Variants in MID1 observed in about 807,000 individuals in gnomAD.
MID1 encodes E3 ubiquitin-protein ligase Midline-1.
In MID1, 7 loss-of-function variants were observed where a neutral mutation model predicts 40.4. That is an observed-to-expected ratio of 0.17 (90% CI 0.10 to 0.33). MID1 has a LOEUF of 0.33. MID1 is among the 10% of genes least tolerant of loss of function. MID1 has a pLI of 1.00. For missense variants in MID1, 367 were observed against 558.5 expected, an observed-to-expected ratio of 0.66 and a Z score of 3.46; for synonymous variants, 229 against 221.2, an observed-to-expected ratio of 1.04 and a Z score of -0.31.
chrX:10,546,355 G>A (rs1933680733), intron 2 of MID1, among the ~76,000 whole-genome samples: 1 of 112,359 alleles, frequency 8.9e-6, no homozygotes, highest in African/African-American at 3.2e-5. Context: ...CTTTGGTTTG[G>A]TTCCATGAAA....
chrX:10,591,090 G>C (rs1049993815), intron 1 of MID1, among the ~76,000 whole-genome samples: 6 of 111,086 alleles, frequency 5.4e-5, no homozygotes, highest in Non-Finnish European at 1.1e-4. Flanking sequence ...ATGCAATCTA[G>C]GGCTTAAAAA....
chrX:10,649,803 T>C (rs1162700389), intron 1 of MID1, among the ~76,000 whole-genome samples: 1 of 112,159 alleles, frequency 8.9e-6, no homozygotes, highest in African/African-American at 3.2e-5. Flanking sequence ...TCTGATCTTA[T>C]ATTTCACTTA....
intron 1 of MID1, among the ~76,000 whole-genome samples, chrX:10,590,226 G>C (rs931629167): frequency 3.6e-5 from 4 of 111,813 alleles, no homozygotes; most frequent in Admixed American, 9.4e-5. Flanking sequence ...TGGTTCCTTG[G>C]TTTCGCGTCT....
chrX:10,778,036 CT>C (rs1000099684), intron 1 of MID1, among the ~76,000 whole-genome samples: 18 of 111,166 alleles, frequency 1.6e-4, no homozygotes, highest in South Asian at 1.5e-3. Flanking sequence ...TTACAGTTAA[CT>C]TTTTTTTCTT....
chrX:10,677,638 A>G (rs1007116999), intron 1 of MID1: 1 of 112,811 alleles, frequency 8.9e-6, no homozygotes, highest in African/African-American at 3.2e-5. Flanking sequence ...GCTTTGAAAC[A>G]AAATGAATCA....
At chrX:10,788,539 A>T (rs1039272266) in intron 1 of MID1, among the ~76,000 whole-genome samples, 4 of 102,843 alleles carry the variant, frequency 3.9e-5, no homozygotes, top group African/African-American at 1.4e-4. Flanking sequence ...AAAATAATAA[A>T]CCCACGTGGC....
intron 1 of MID1, among the ~76,000 whole-genome samples, chrX:10,704,765 C>CACACACACAG (rs781699598): frequency 2.9e-3 from 266 of 91,524 alleles, no homozygotes; most frequent in African/African-American, 9.9e-3. Context: ...CACACACACA[C>CACACACACAG]AGAGAGAGAG....
intron 1 of MID1, among the ~76,000 whole-genome samples, chrX:10,585,597 T>C (rs1206152738): frequency 1.8e-5 from 2 of 111,610 alleles, no homozygotes; most frequent in East Asian, 5.6e-4. Context: ...TCCAGCTCCA[T>C]CAATTTTTAG....
chrX:10,791,530 C>G (rs1321097412), intron 1 of MID1, among the ~76,000 whole-genome samples: 1 of 112,132 alleles, frequency 8.9e-6, no homozygotes, highest in African/African-American at 3.2e-5. Context: ...GAGGTAACGT[C>G]TCAGCCCAGA....
intron 1 of MID1, among the ~76,000 whole-genome samples, chrX:10,584,947 T>TG (rs927640322): frequency 9.1e-6 from 1 of 110,290 alleles, no homozygotes; most frequent in Admixed American, 9.6e-5. Flanking sequence ...AACTCTAAGG[T>TG]GGGGGGGTCC....
chrX:10,810,259 G>A (rs1356483933), intron 1 of MID1, among the ~76,000 whole-genome samples: 2 of 112,078 alleles, frequency 1.8e-5, no homozygotes, highest in Non-Finnish European at 3.8e-5. Flanking sequence ...AAGTGGAATC[G>A]TACAGTATTT....
intron 1 of MID1, among the ~76,000 whole-genome samples, chrX:10,796,693 C>G (rs1330051277): frequency 1.8e-5 from 2 of 110,426 alleles, no homozygotes; most frequent in Non-Finnish European, 3.8e-5. Flanking sequence ...GCGTACCTAG[C>G]ATTCTTCTCT....
chrX:10,721,694 T>A (rs959746275), intron 1 of MID1, among the ~76,000 whole-genome samples: 3 of 104,471 alleles, frequency 2.9e-5, no homozygotes, highest in Non-Finnish European at 5.9e-5. Context: ...AATAATTGTT[T>A]TCTCGGGCAA....
At chrX:10,555,253 C>T (rs1934074879) in intron 2 of MID1, among the ~76,000 whole-genome samples, 1 of 112,137 alleles carries the variant, frequency 8.9e-6, no homozygotes, top group African/African-American at 3.2e-5. Context: ...TTTGCCCTTA[C>T]TTGCAATTCC....
At chrX:10,482,195 C>G (rs1465155384) in intron 5 of MID1, among the ~76,000 whole-genome samples, 1 of 111,935 alleles carries the variant, frequency 8.9e-6, no homozygotes, top group Non-Finnish European at 1.9e-5. Context: ...TTTGTGCCAT[C>G]ATAAGCTCCC....
chrX:10,583,669 A>G (rs1935069053), intron 1 of MID1, among the ~76,000 whole-genome samples: 1 of 112,542 alleles, frequency 8.9e-6, no homozygotes, highest in African/African-American at 3.2e-5. Flanking sequence ...CCAAAAAAGC[A>G]GGAACCATGA....
chrX:10,554,296 C>G (rs1234684754), intron 2 of MID1, among the ~76,000 whole-genome samples: 1 of 111,957 alleles, frequency 8.9e-6, no homozygotes, highest in Non-Finnish European at 1.9e-5. Flanking sequence ...TTTACAAATG[C>G]TAGTTATTAT....
chrX:10,674,184 G>T (rs1199691574), intron 1 of MID1, among the ~76,000 whole-genome samples: 1 of 112,652 alleles, frequency 8.9e-6, no homozygotes, highest in East Asian at 2.8e-4. Flanking sequence ...TAAATGGCCA[G>T]TGATGAGAAT....
chrX:10,726,539 A>C lies in MID1; in HGVS notation c.-186-106120T>G, dbSNP rs184738009. 7.2e-4 allele frequency among the ~76,000 whole-genome samples: 81 copies of C among 111,920 alleles called. No individual in the cohort carries two copies. In the Admixed American group the frequency reaches 7.7e-3, roughly 11 times the overall value. On this transcript the variant is annotated intron_variant, in intron 1 of 10. Coordinates refer to the MID1 transcript ENST00000380785. ...AAAAACAGAATAAGAGATACATCTG[A>C]CTAAAAATTATAGCCAGTCCTGGTT...
Sources: allele counts gnomAD v4.1 joint callset (sites outside exome capture counted in the v4.1 genomes callset), GRCh38; gene constraint gnomAD v4.1.1; transcripts MANE v1.5; gene names NCBI Gene and HGNC (gene_info 2026-07-23, HGNC 2026-07-21).